Variants in TCF7L1 observed in about 807,000 individuals in gnomAD.
The protein encoded by TCF7L1 is transcription factor 7-like 1.
Under a neutral mutation model 63.7 loss-of-function variants are expected in TCF7L1, and 18 were observed. The observed-to-expected ratio is 0.28, with a 90% CI of 0.20 to 0.42. The LOEUF (loss-of-function observed/expected upper bound fraction) is 0.42, where lower values mean the gene tolerates loss of function less well. Among genes scored for constraint, TCF7L1 ranks in the 10% least tolerant of loss-of-function variants. The pLI, the probability that TCF7L1 is intolerant of heterozygous loss-of-function variation, is 1.00. For synonymous variants in TCF7L1, 355 were observed against 340.9 expected (o/e 1.04, Z -0.46); for missense variants, 654 against 779.3 (o/e 0.84, Z 1.91).
intron 3 of TCF7L1, chr2:85,186,579 G>C (rs754198454): frequency 1.3e-5 from 2 of 152,206 alleles, no homozygotes; most frequent in Non-Finnish European, 2.9e-5. Context: ...ATTTAGCAAA[G>C]ATGATAAATT....
intron 3 of TCF7L1, among the ~76,000 whole-genome samples, chr2:85,228,716 T>A (rs1219042910): frequency 1.3e-5 from 2 of 151,898 alleles, no homozygotes; most frequent in African/African-American, 4.8e-5. Flanking sequence ...TTTATCATTC[T>A]TAGAAATTTG....
At chr2:85,218,244 A>T (rs1679755652) in intron 3 of TCF7L1, among the ~76,000 whole-genome samples, 1 of 150,580 alleles carries the variant, frequency 6.6e-6, no homozygotes, top group Admixed American at 6.6e-5. Flanking sequence ...TATTTTATTT[A>T]TTTATTTATT....
At chr2:85,137,695 C>G (rs969865626) in intron 3 of TCF7L1, among the ~76,000 whole-genome samples, 1 of 152,070 alleles carries the variant, frequency 6.6e-6, no homozygotes, top group Non-Finnish European at 1.5e-5. Context: ...GAGTTCGAGA[C>G]CAGCCTGGCC....
At chr2:85,177,164 C>G (rs765346421) in intron 3 of TCF7L1, among the ~76,000 whole-genome samples, 2 of 151,942 alleles carry the variant, frequency 1.3e-5, no homozygotes, top group Non-Finnish European at 2.9e-5. Context: ...TCTTGCATTC[C>G]TCATACAGTG....
intron 3 of TCF7L1, among the ~76,000 whole-genome samples, chr2:85,160,125 T>C (rs1678252694): frequency 1.3e-5 from 2 of 152,196 alleles, no homozygotes; most frequent in African/African-American, 4.8e-5. Context: ...TTTTAACACA[T>C]GTACAGATTC....
intron 3 of TCF7L1, among the ~76,000 whole-genome samples, chr2:85,245,792 G>T (rs1299913840): frequency 6.6e-6 from 1 of 150,870 alleles, no homozygotes; most frequent in Non-Finnish European, 1.5e-5. Context: ...TCCGGCCTGG[G>T]CAACAGAGCG....
At chr2:85,293,687 C>T (rs1184261136) in intron 4 of TCF7L1, among the ~76,000 whole-genome samples, 1 of 152,200 alleles carries the variant, frequency 6.6e-6, no homozygotes, top group Non-Finnish European at 1.5e-5. Flanking sequence ...ACATCCTGAC[C>T]TATTGATCTT....
At chr2:85,205,534 A>ATTC (rs1292690643) in intron 3 of TCF7L1, among the ~76,000 whole-genome samples, 7 of 109,816 alleles carry the variant, frequency 6.4e-5, no homozygotes, top group African/African-American at 2.0e-4. Flanking sequence ...GTCAGCCCAC[A>ATTC]TTGTTTTTTT....
intron 3 of TCF7L1, chr2:85,186,892 TAAAC>T (rs1678938830): frequency 6.6e-6 from 1 of 152,212 alleles, no homozygotes; most frequent in African/African-American, 2.4e-5. Context: ...TGAGGAAAGG[TAAAC>T]AACAACGAAC....
At chr2:85,308,493 T>TC (rs143240166) in intron 11 of TCF7L1, among the ~76,000 whole-genome samples, 4 of 56,828 alleles carry the variant, frequency 7.0e-5, no homozygotes, top group East Asian at 4.7e-4. Flanking sequence ...TTCCCTCCCT[T>TC]CCCCCCCTCC....
At chr2:85,238,518 G>A (rs1262187489) in intron 3 of TCF7L1, among the ~76,000 whole-genome samples, 2 of 152,192 alleles carry the variant, frequency 1.3e-5, no homozygotes, top group African/African-American at 4.8e-5. Flanking sequence ...TTCCTTCATT[G>A]ATTCTTCCTT....
At chr2:85,240,315 G>T (rs1194530230) in intron 3 of TCF7L1, among the ~76,000 whole-genome samples, 1 of 152,226 alleles carries the variant, frequency 6.6e-6, no homozygotes, top group Non-Finnish European at 1.5e-5. Context: ...GGAAGCCGGG[G>T]GACTGCTGTG....
At chr2:85,186,565 T>C (rs1393175376) in intron 3 of TCF7L1, 1 of 152,240 alleles carries the variant, frequency 6.6e-6, no homozygotes, top group Admixed American at 6.5e-5. Context: ...CATTGTGTCT[T>C]CTAATTTAGC....
At chr2:85,198,725 G>A (rs1446244670) in intron 3 of TCF7L1, among the ~76,000 whole-genome samples, 2 of 152,170 alleles carry the variant, frequency 1.3e-5, no homozygotes, top group African/African-American at 4.8e-5. Context: ...GCTGGGTGTG[G>A]TGGCACACGC....
intron 3 of TCF7L1, among the ~76,000 whole-genome samples, chr2:85,153,417 T>C (rs1222336870): frequency 7.0e-6 from 1 of 143,012 alleles, no homozygotes; most frequent in African/African-American, 2.6e-5. Context: ...TCTTGGCTCA[T>C]TGCAAGCTCC....
At chr2:85,170,352 C>G (rs1303922463) in intron 3 of TCF7L1, among the ~76,000 whole-genome samples, 2 of 152,086 alleles carry the variant, frequency 1.3e-5, no homozygotes, top group Admixed American at 6.6e-5. Context: ...GAGTAAAAGT[C>G]ATACATATTC....
At chr2:85,165,289 T>G (rs954484559) in intron 3 of TCF7L1, among the ~76,000 whole-genome samples, 1 of 152,256 alleles carries the variant, frequency 6.6e-6, no homozygotes, top group African/African-American at 2.4e-5. Context: ...TGCACACATG[T>G]GCGCCTGTGT....
intron 4 of TCF7L1, among the ~76,000 whole-genome samples, chr2:85,292,722 G>A (rs1573029513): frequency 6.6e-6 from 1 of 152,120 alleles, no homozygotes; most frequent in East Asian, 1.9e-4. Flanking sequence ...AACCACAGGT[G>A]TGCACCATCA....
chr2:85,200,712 C>T (rs576702332), intron 3 of TCF7L1, among the ~76,000 whole-genome samples: 3 of 152,216 alleles, frequency 2.0e-5, no homozygotes, highest in East Asian at 1.9e-4. Flanking sequence ...GCACTAAACA[C>T]GATGAAAACT....
Sources: gnomAD v4.1 joint callset for allele counts (sites outside exome capture counted in the v4.1 genomes callset) on GRCh38, gnomAD v4.1.1 for gene constraint, MANE v1.5 for transcripts, NCBI Gene and HGNC (gene_info 2026-07-23, HGNC 2026-07-21) for gene names.